NPHP4: variants seen among roughly 807,000 people sequenced by gnomAD.
NPHP4 encodes nephrocystin 4, also known as nephrocystin-4.
A neutral mutation model predicts 155.8 loss-of-function variants in NPHP4; 151 were observed. The observed-to-expected ratio is 0.97, with a 90% CI of 0.85 to 1.11. The LOEUF is 1.11. Ranked by LOEUF, NPHP4 falls within the 50% of genes least tolerant of loss-of-function variation. The pLI, the probability that NPHP4 is intolerant of heterozygous loss-of-function variation, is 0.00. For synonymous variants in NPHP4, 845 were observed against 816.8 expected, an observed-to-expected ratio of 1.03 and a Z score of -0.59; for missense variants, 1,956 against 1,925.7, an observed-to-expected ratio of 1.02 and a Z score of -0.29.
chr1:5,876,921 T>A, intron 20 of NPHP4, 172 bp downstream of exon 20: 1 of 441,336 alleles, frequency 2.3e-6, no homozygotes, highest in Non-Finnish European at 4.0e-6. Context: ...TCCAGATAAT[T>A]CTCACTTAAA....
intron 11 of NPHP4, among the ~76,000 whole-genome samples, chr1:5,913,082 C>T (rs1236758060): frequency 4.1e-5 from 6 of 146,734 alleles, no homozygotes; most frequent in Admixed American, 1.4e-4. Flanking sequence ...ACCCAGGAGG[C>T]GGAGGTTGCA....
rs779607309 is a variant in NPHP4, at chr1:5,877,109, C to A, written c.2801G>T (p.Arg934Leu). The change falls in exon 20 of 30, where the codon CGC becomes CTC. Residue 934 changes from arginine (R) to leucine (L), a missense_variant. Transcript: ENST00000378156. ...AACCCTTACCAACACGCTCGTCCCGCGCCGGCCCAAGTCTCCCCCGGCCTC... is the reference window on the plus strand; with the variant it reads ...AACCCTTACCAACACGCTCGTCCCGAGCCGGCCCAAGTCTCCCCCGGCCTC... ...LQEAGGDLGR[R>L]GTSVLAQQSV... The A allele has an allele frequency of 1.9e-6, 3 of 1,580,024 alleles. No individual in the cohort carries two copies. The highest frequency in any genetic ancestry group is 2.6e-6 in the Non-Finnish European group (3 of 1,155,276).
chr1:5,975,596 G>A (rs1317755173), intron 3 of NPHP4, among the ~76,000 whole-genome samples: 1 of 152,252 alleles, frequency 6.6e-6, no homozygotes, highest in Admixed American at 6.5e-5. Flanking sequence ...CCAGATGACA[G>A]GCCAAGGCTG....
chr1:5,951,959 T>TG (rs1648163723), intron 7 of NPHP4, among the ~76,000 whole-genome samples: 1 of 152,202 alleles, frequency 6.6e-6, no homozygotes, highest in African/African-American at 2.4e-5. Context: ...TCCACGCACC[T>TG]GCACGACGCA....
chr1:5,864,199 GCAAA>G, intron 28 of NPHP4, 135 bp downstream of exon 28: 1 of 1,132,170 alleles, frequency 8.8e-7, no homozygotes, highest in Non-Finnish European at 1.3e-6. Context: ...CAGCACAGGA[GCAAA>G]CACTCATGCA....
intron 29 of NPHP4, 115 bp from the exon 30 acceptor site, chr1:5,863,520 C>CA (rs1640856443): frequency 7.6e-7 from 1 of 1,324,020 alleles, no homozygotes; most frequent in Non-Finnish European, 1.1e-6. Flanking sequence ...GGCAGGGGAG[C>CA]CCTGCGGGTG....
chr1:5,991,161 G>A (rs1158445373), intron 1 of NPHP4, among the ~76,000 whole-genome samples: 1 of 152,078 alleles, frequency 6.6e-6, no homozygotes, highest in Non-Finnish European at 1.5e-5. Flanking sequence ...GGGAGCTTTT[G>A]GGGAAGCAGA....
In NPHP4 at chr1:5,944,393, G is replaced by A. The variant is rs934244328; in HGVS notation, c.1119+2711C>T. ...AGGTGGGAGGGCCCTGCCACAGCCC[G>A]CCCTGGGCCTTCCAAGGAGCGCGCT... On this transcript the variant is annotated intron_variant, in intron 9 of 29. Coordinates refer to ENST00000378156, the MANE Select transcript of NPHP4 (RefSeq NM_015102.5). The surrounding 1 kb of genome is among the most constrained non-coding windows in gnomAD (Gnocchi z 4.3). 6.6e-6 allele frequency among the ~76,000 whole-genome samples: 1 copy of A among 152,206 alleles called. No homozygotes were observed. The highest frequency in any genetic ancestry group is 6.5e-5 in the Admixed American group (1 of 15,284).
intron 7 of NPHP4, among the ~76,000 whole-genome samples, chr1:5,951,125 T>A (rs1438125436): frequency 6.6e-6 from 1 of 152,220 alleles, no homozygotes; most frequent in Non-Finnish European, 1.5e-5. Flanking sequence ...AAGATGTGAT[T>A]AGCACAAAGG....
intron 6 of NPHP4, among the ~76,000 whole-genome samples, chr1:5,955,387 A>T (rs1242529981): frequency 6.6e-6 from 1 of 152,264 alleles, no homozygotes; most frequent in Non-Finnish European, 1.5e-5. Flanking sequence ...CTGAGTATAT[A>T]ATATCCAAAG....
chr1:5,894,940 C>T (rs956421165), intron 16 of NPHP4, among the ~76,000 whole-genome samples: 1 of 152,176 alleles, frequency 6.6e-6, no homozygotes, highest in African/African-American at 2.4e-5. Flanking sequence ...ACCCAAATGT[C>T]CATCAATGAT....
chr1:5,873,149 G>T, intron 23 of NPHP4, 103 bp downstream of exon 23: 2 of 1,026,818 alleles, frequency 1.9e-6, no homozygotes, highest in Non-Finnish European at 3.0e-6. Context: ...CCCTGACCTG[G>T]CCCCAGCCCT....
At chr1:5,874,755 GGAGA>G (rs1642392899) in intron 21 of NPHP4, 98 bp from the exon 22 acceptor site, 1 of 1,516,782 alleles carries the variant, frequency 6.6e-7, no homozygotes, top group Non-Finnish European at 9.0e-7. Context: ...CAGAGGAGTG[GGAGA>G]GAGAAGTCAA....
At position 5,890,968 on chromosome 1, in the gene NPHP4, C is replaced by T. The variant is rs1277193938; in HGVS notation, c.2204G>A (p.Arg735Gln). Reference sequence around the variant, plus strand: ...GGCCAGGTAGCGGGCAAAGCAGCGCCGCTCACCTGGCTTCAGGAACCCAGG... The same window carrying T: ...GGCCAGGTAGCGGGCAAAGCAGCGCTGCTCACCTGGCTTCAGGAACCCAGG... The part of the protein sequence containing the change: ...VGPGFLKPGE[R>Q]RCFARYLAVQ... Residue 735 changes from arginine (R) to glutamine (Q), a missense_variant, in exon 17 of 30, where the codon CGG becomes CAG. Transcript: ENST00000378156. The surrounding 1 kb of genome is among the most constrained non-coding windows in gnomAD (Gnocchi z 4.9). 1.8e-5 allele frequency: 28 copies of T among 1,591,562 alleles called. No individual in the cohort carries two copies. Among genetic ancestry groups the T allele is most frequent in the South Asian group, 2.2e-5 (2 of 89,536 alleles).
chr1:5,877,612 C>T (rs577569645), intron 19 of NPHP4: 107 of 268,286 alleles, frequency 4.0e-4, no homozygotes, highest in Non-Finnish European at 6.9e-4. Flanking sequence ...TCTAGAAGCC[C>T]ATGCTCTCGG....
intron 18 of NPHP4, among the ~76,000 whole-genome samples, chr1:5,884,644 C>G (rs1290039383): frequency 1.6e-4 from 4 of 24,604 alleles, no homozygotes; most frequent in African/African-American, 2.0e-4. Flanking sequence ...CGTCCTACTC[C>G]ACAACCAAGA....
intron 16 of NPHP4, among the ~76,000 whole-genome samples, chr1:5,897,057 A>G (rs1054096999): frequency 6.6e-6 from 1 of 152,212 alleles, no homozygotes; most frequent in Admixed American, 6.5e-5. Context: ...ATTAAAGGGA[A>G]AGAATTAAAC....
intron 11 of NPHP4, among the ~76,000 whole-genome samples, chr1:5,917,842 G>A (rs1037620837): frequency 6.6e-6 from 1 of 152,234 alleles, no homozygotes; most frequent in South Asian, 2.1e-4. Context: ...TAACCCGGGA[G>A]GGGGAGAAGT....
At chr1:5,883,016 C>T (rs1335731747) in intron 18 of NPHP4, among the ~76,000 whole-genome samples, 1 of 152,234 alleles carries the variant, frequency 6.6e-6, no homozygotes, top group Non-Finnish European at 1.5e-5. Flanking sequence ...AAGAACAGGG[C>T]TCCCGGTGAG....
Sources: allele counts gnomAD v4.1 joint callset (sites outside exome capture counted in the v4.1 genomes callset), GRCh38; gene constraint gnomAD v4.1.1; non-coding constraint Gnocchi (gnomAD v3.1); transcripts MANE v1.5; gene names NCBI Gene and HGNC (gene_info 2026-07-23, HGNC 2026-07-21).